UBE2G2: variants seen among roughly 807,000 people sequenced by gnomAD.
UBE2G2 encodes the protein ubiquitin-conjugating enzyme E2 G2.
UBE2G2 carries 10 observed loss-of-function variants against 23.0 expected under a neutral mutation model. The observed-to-expected ratio is 0.43, with a 90% CI of 0.27 to 0.74. The LOEUF is 0.74. UBE2G2 is among the 30% of genes least tolerant of loss of function. The pLI is 0.19. For synonymous variants in UBE2G2, 86 were observed against 81.3 expected (o/e 1.06, Z -0.31); for missense variants, 150 against 218.3 (o/e 0.69, Z 1.97).
At position 44,788,107 on chromosome 21, in the gene UBE2G2, A is replaced by T. The variant is rs782515110; in HGVS notation, c.44-12T>A. 6.3e-7 allele frequency: 1 copy of T among 1,596,928 alleles called. No homozygotes were observed. Among genetic ancestry groups the T allele is most frequent in the African/African-American group, 1.4e-5 (1 of 73,724 alleles). On this transcript the variant is annotated splice_polypyrimidine_tract_variant and intron_variant, in intron 1 of 5. Transcript: ENST00000345496. ...ATTCAGTGTTAATTCTATAAAATTAATAAGTAAAACCATTACCAAACAGAA... is the reference window on the plus strand; with the variant it reads ...ATTCAGTGTTAATTCTATAAAATTATTAAGTAAAACCATTACCAAACAGAA...
chr21:44,777,504 A>G, intron 3 of UBE2G2, 87 bp from the exon 4 acceptor site: 1 of 1,415,352 alleles, frequency 7.1e-7, no homozygotes, highest in Non-Finnish European at 1.0e-6. Context: ...GAACATTTTT[A>G]CCACTTTAAA....
chr21:44,780,383 TCCCAGACAA>T (rs1277537164), intron 3 of UBE2G2, among the ~76,000 whole-genome samples: 4 of 152,350 alleles, frequency 2.6e-5, no homozygotes, highest in African/African-American at 9.6e-5. Context: ...ATTGCCATAC[TCCCAGACAA>T]CCTCACTTCT....
At chr21:44,787,848 C>T in intron 3 of UBE2G2, 72 bp downstream of exon 3, 2 of 1,546,678 alleles carry the variant, frequency 1.3e-6, no homozygotes. Flanking sequence ...GACACAGTCA[C>T]ACTGCTGATG....
rs1282846867 is a variant in UBE2G2 at position 44,771,980 on chromosome 21, C to A, written c.386-491G>T. On this transcript the variant is annotated intron_variant, in intron 5 of 5. Transcript: ENST00000345496. This position sits in a 1 kb window ranked among gnomAD's most constrained non-coding sequence, Gnocchi z 4.6. ...GCAAATGTGCAGCCTAAGGTAGACACCTGACCCCAGGATACCTGACCCACC... is the reference window on the plus strand; with the variant it reads ...GCAAATGTGCAGCCTAAGGTAGACAACTGACCCCAGGATACCTGACCCACC... Among the ~76,000 whole-genome samples the A allele has an allele frequency of 2.0e-5, 3 of 152,170 alleles. No individual in the cohort carries two copies. The highest frequency in any genetic ancestry group is 1.9e-4 in the East Asian group (1 of 5,180).
At chr21:44,800,737 T>G (rs1333734675) in intron 1 of UBE2G2, 10 of 152,230 alleles carry the variant, frequency 6.6e-5, no homozygotes, top group Admixed American at 5.9e-4. Context: ...TCAAGCTACA[T>G]GTATATTCAC....
chr21:44,791,406 T>C (rs1231901493), intron 1 of UBE2G2, among the ~76,000 whole-genome samples: 1 of 152,154 alleles, frequency 6.6e-6, no homozygotes, highest in Non-Finnish European at 1.5e-5. Flanking sequence ...CTGTGCAGCC[T>C]TGGTACTTGG....
chr21:44,779,585 C>A (rs1475456651), intron 3 of UBE2G2, among the ~76,000 whole-genome samples: 1 of 152,202 alleles, frequency 6.6e-6, no homozygotes, highest in Non-Finnish European at 1.5e-5. Flanking sequence ...GCTCCCCCTG[C>A]AATGGCCTGA....
At chr21:44,788,580 C>T (rs939235519) in intron 1 of UBE2G2, among the ~76,000 whole-genome samples, 26 of 152,150 alleles carry the variant, frequency 1.7e-4, no homozygotes, top group Non-Finnish European at 3.5e-4. Context: ...TGAGCCACCG[C>T]GCCGGCCCAA....
chr21:44,800,047 G>A (rs1164707861), intron 1 of UBE2G2: 1 of 152,170 alleles, frequency 6.6e-6, no homozygotes. Flanking sequence ...AGTTTGTGAT[G>A]CCCCAAAATA....
At position 44,769,092 on chromosome 21, in the gene UBE2G2, A is replaced by G. The variant is rs1363946271; in HGVS notation, c.*2285T>C. On this transcript the variant is annotated 3_prime_UTR_variant, in exon 6 of 6. Transcript: ENST00000345496. The stretch of plus-strand genomic sequence containing the variant: ...ATTTCAACAGTCATTAGGTTCCACC[A>G]CACAACAGGGACACCATGGGATTGT... 1.3e-5 allele frequency: 2 copies of G among 152,262 alleles called. No individual in the cohort carries two copies. The highest frequency in any genetic ancestry group is 2.9e-5 in the Non-Finnish European group (2 of 68,056). The allele number at this position is 152,262 out of a possible 1,614,324, so 9.4% of individuals were successfully genotyped here. A position where few individuals can be genotyped will look rare whatever the true frequency, so the allele number is the denominator to read the frequency against.
intron 3 of UBE2G2, among the ~76,000 whole-genome samples, chr21:44,781,808 A>AG (rs2082959316): frequency 1.3e-5 from 2 of 152,312 alleles, no homozygotes; most frequent in South Asian, 2.1e-4. Context: ...TCGGAAGAAA[A>AG]GGGGGAACAT....
At chr21:44,786,471 C>T (rs935991695) in intron 3 of UBE2G2, among the ~76,000 whole-genome samples, 1 of 152,136 alleles carries the variant, frequency 6.6e-6, no homozygotes, top group Admixed American at 6.5e-5. Flanking sequence ...AAATGGCAGG[C>T]GTGCTGTACC....
At chr21:44,785,018 C>G (rs782576915) in intron 3 of UBE2G2, among the ~76,000 whole-genome samples, 39 of 152,210 alleles carry the variant, frequency 2.6e-4, no homozygotes, top group Non-Finnish European at 1.2e-4. Context: ...GGCACCCACC[C>G]TCTCTGCAGC....
At chr21:44,789,100 G>A (rs538095158) in intron 1 of UBE2G2, among the ~76,000 whole-genome samples, 1 of 152,028 alleles carries the variant, frequency 6.6e-6, no homozygotes, top group South Asian at 2.1e-4. Flanking sequence ...AGAATAAACA[G>A]AGGGCCAGGC....
intron 1 of UBE2G2, among the ~76,000 whole-genome samples, chr21:44,788,651 A>G (rs1361363261): frequency 6.6e-6 from 1 of 151,896 alleles, no homozygotes; most frequent in Non-Finnish European, 1.5e-5. Flanking sequence ...TACAAATGCA[A>G]AAGCAAACAT....
Position 44,771,102 on chromosome 21 carries a change from G to C in UBE2G2, c.*275C>G. 1 of 388,746 alleles carries C rather than the reference G, an allele frequency of 2.6e-6. No homozygotes were observed. The highest frequency in any genetic ancestry group is 4.7e-6 in the Non-Finnish European group (1 of 213,494). The allele number at this position is 388,746 out of a possible 1,614,324, so 24.1% of individuals were successfully genotyped here. ...AAGCCATGAACTGCTGGTTTCAGCG[G>C]GGAGAGGTAGTGCTGACAGCTCTGA... On this transcript the variant is annotated 3_prime_UTR_variant, in exon 6 of 6. Transcript: ENST00000345496. This position sits in a 1 kb window ranked among gnomAD's most constrained non-coding sequence, Gnocchi z 4.6.
At chr21:44,782,109 T>C (rs2082961938) in intron 3 of UBE2G2, among the ~76,000 whole-genome samples, 1 of 152,182 alleles carries the variant, frequency 6.6e-6, no homozygotes, top group African/African-American at 2.4e-5. Context: ...AATATTCAAA[T>C]ACAGAAGTAT....
chr21:44,777,939 T>C (rs1487838450), intron 3 of UBE2G2, among the ~76,000 whole-genome samples: 2 of 152,220 alleles, frequency 1.3e-5, no homozygotes, highest in Admixed American at 6.5e-5. Flanking sequence ...GTCTAAATCT[T>C]AGGTACAAGT....
rs782551183 is a variant in UBE2G2 at position 44,771,422 on chromosome 21, G to A, written c.453C>T (p.Phe151=). ...SKMWRDDREQ[F]YKIAKQIVQK... ...GGACGATCTGCTTGGCAATCTTATA[G>A]AACTGCTCCCGGTCATCGCGCCACA... is the stretch of plus-strand genomic sequence containing the variant. Residue 151 remains phenylalanine, a synonymous_variant, in exon 6 of 6, where the codon TTC becomes TTT. Transcript: ENST00000345496. The surrounding 1 kb of genome is among the most constrained non-coding windows in gnomAD (Gnocchi z 4.6). The A allele has an allele frequency of 6.8e-6, 11 of 1,613,114 alleles. 1 individual carries two copies. In the South Asian group the frequency reaches 1.1e-4, roughly 16 times the overall value.
Sources: allele counts gnomAD v4.1 joint callset (sites outside exome capture counted in the v4.1 genomes callset), GRCh38; gene constraint gnomAD v4.1.1; non-coding constraint Gnocchi (gnomAD v3.1); transcripts MANE v1.5; gene names NCBI Gene and HGNC (gene_info 2026-07-23, HGNC 2026-07-21).